CALB2: variants seen among roughly 807,000 people sequenced by gnomAD.
CALB2 encodes calbindin 2, also known as calretinin.
A neutral mutation model predicts 45.9 loss-of-function variants in CALB2; 34 were observed. The ratio of observed to expected loss-of-function variants is 0.74; its 90% confidence interval spans 0.56 to 0.99. The LOEUF is 0.99. Ranked by LOEUF, CALB2 falls within the 50% of genes least tolerant of loss-of-function variation. The pLI is 0.00. For synonymous variants in CALB2, 142 were observed against 129.6 expected, an observed-to-expected ratio of 1.10 and a Z score of -0.65; for missense variants, 344 against 339.3, an observed-to-expected ratio of 1.01 and a Z score of -0.11.
chr16:71,361,864 A>C (rs1033812638), intron 1 of CALB2, among the ~76,000 whole-genome samples: 16 of 152,246 alleles, frequency 1.1e-4, no homozygotes, highest in Non-Finnish European at 2.4e-4. Context: ...AATTCTTTTC[A>C]CAAGATCACA....
intron 4 of CALB2, among the ~76,000 whole-genome samples, chr16:71,380,074 C>T (rs919124774): frequency 6.6e-6 from 1 of 152,018 alleles, no homozygotes; most frequent in African/African-American, 2.4e-5. Context: ...TCATGCCTGA[C>T]TCCTTTCCTG....
At position 71,384,333 on chromosome 16, in the gene CALB2, C is replaced by T. The variant is rs1567543668; in HGVS notation, c.534-6C>T. The stretch of plus-strand genomic sequence containing the variant: ...CCTCATCTCTGCTCTAACATTTTCT[C>T]CCCAGACTCCTGCCTGTCCAGGAAA... On this transcript the variant is annotated splice_polypyrimidine_tract_variant and splice_region_variant and intron_variant, in intron 7 of 10. Transcript: ENST00000302628. The T allele has an allele frequency of 1.2e-6, 2 of 1,613,036 alleles. No individual in the cohort carries two copies. The highest frequency in any genetic ancestry group is 8.5e-7 in the Non-Finnish European group (1 of 1,179,306).
chr16:71,364,840 CAGAG>C (rs2042267122), intron 1 of CALB2, among the ~76,000 whole-genome samples: 1 of 152,110 alleles, frequency 6.6e-6, no homozygotes, highest in African/African-American at 2.4e-5. Context: ...GTGTGTGTGT[CAGAG>C]AGAGAAGCCA....
intron 1 of CALB2, among the ~76,000 whole-genome samples, chr16:71,359,601 C>T (rs2042217998): frequency 6.6e-6 from 1 of 152,162 alleles, no homozygotes; most frequent in South Asian, 2.1e-4. Context: ...GCCTCAGTGA[C>T]TAACCCTCTG....
intron 1 of CALB2, 96 bp from the exon 2 acceptor site, chr16:71,372,057 G>A (rs2042357190): frequency 1.6e-5 from 14 of 875,942 alleles, no homozygotes; most frequent in South Asian, 1.4e-4. Context: ...TTGGCCAGCT[G>A]GGAGAAGACA....
At chr16:71,375,306 A>G (rs75249309) in intron 3 of CALB2, among the ~76,000 whole-genome samples, 2,755 of 152,324 alleles carry the variant, frequency 0.018, 82 homozygotes, top group African/African-American at 0.063. Context: ...ATACATATAT[A>G]CATTCATATA....
At chr16:71,387,782 G>A (rs1488666824) in intron 10 of CALB2, among the ~76,000 whole-genome samples, 2 of 152,186 alleles carry the variant, frequency 1.3e-5, no homozygotes, top group East Asian at 1.9e-4. Flanking sequence ...CTGATTAAGT[G>A]GCAGATATCT....
chr16:71,387,380 C>T (rs930565338), intron 10 of CALB2, among the ~76,000 whole-genome samples: 4 of 152,016 alleles, frequency 2.6e-5, no homozygotes, highest in African/African-American at 7.2e-5. Context: ...GATTTGGCGC[C>T]TGAGGATTGA....
At chr16:71,374,622 T>C (rs1005297133) in intron 2 of CALB2, 123 bp from the exon 3 acceptor site, 1 of 653,970 alleles carries the variant, frequency 1.5e-6, no homozygotes, top group African/African-American at 1.8e-5. Flanking sequence ...AATCAGAGCA[T>C]CAGCACAACT....
chr16:71,369,758 G>A (rs975155648), intron 1 of CALB2, among the ~76,000 whole-genome samples: 4 of 118,172 alleles, frequency 3.4e-5, no homozygotes, highest in Non-Finnish European at 7.0e-5. Flanking sequence ...CCACCTCCCC[G>A]TCTGACTCTA....
At chr16:71,382,323 T>TC (rs2042508697) in intron 4 of CALB2, among the ~76,000 whole-genome samples, 1 of 152,188 alleles carries the variant, frequency 6.6e-6, no homozygotes, top group Admixed American at 6.5e-5. Context: ...TTCTCTCTTC[T>TC]CCACCAGATG....
At chr16:71,361,695 G>A (rs1057418081) in intron 1 of CALB2, among the ~76,000 whole-genome samples, 42 of 152,258 alleles carry the variant, frequency 2.8e-4, no homozygotes, top group African/African-American at 9.6e-4. Flanking sequence ...CCAACGAGAG[G>A]GAGGATGGGG....
chr16:71,384,780 C>T lies in CALB2; in HGVS notation c.574-3C>T. ...TCTGTCTTTAATACCCTGGTTCTTG[C>T]AGGGCATGAAGCTGACCTCAGAGGA... is the stretch of plus-strand genomic sequence containing the variant. On this transcript the variant is annotated splice_region_variant and splice_polypyrimidine_tract_variant and intron_variant, in intron 8 of 10. Transcript: ENST00000302628. 1 of 1,441,754 alleles carries T rather than the reference C, an allele frequency of 6.9e-7. No individual in the cohort carries two copies. The highest frequency in any genetic ancestry group is 9.2e-7 in the Non-Finnish European group (1 of 1,088,514). The allele number at this position is 1,441,754 out of a possible 1,614,324, so 89.3% of individuals were successfully genotyped here. A position where few individuals can be genotyped will look rare whatever the true frequency, so the allele number is the denominator to read the frequency against.
At chr16:71,388,530 T>G (rs2042598039) in intron 10 of CALB2, among the ~76,000 whole-genome samples, 1 of 152,110 alleles carries the variant, frequency 6.6e-6, no homozygotes, top group Admixed American at 6.6e-5. Context: ...ATCAGGCATA[T>G]CAGGTGTTGG....
rs1370429422 is a variant in CALB2 at position 71,384,366 on chromosome 16, G to A, written c.561G>A (p.Leu187=). 2 of 1,607,996 alleles carry A rather than the reference G, an allele frequency of 1.2e-6. No homozygotes were observed. Among genetic ancestry groups the A allele is most frequent in the Non-Finnish European group, 1.7e-6 (2 of 1,178,136 alleles). Residue 187 remains leucine (L), a synonymous_variant, in exon 8 of 11, where the codon CTG becomes CTA. Coordinates refer to ENST00000302628, the MANE Select transcript of CALB2 (RefSeq NM_001740.5). ...TCCTGCCTGTCCAGGAAAACTTCCT[G>A]CTTAAATTTCAGGTAAAACTTTGCT... ...SRLLPVQENF[L]LKFQGMKLTS...
chr16:71,366,187 C>T (rs901511433), intron 1 of CALB2, among the ~76,000 whole-genome samples: 3 of 150,364 alleles, frequency 2.0e-5, no homozygotes, highest in East Asian at 1.9e-4. Context: ...CTACCACGCC[C>T]GGCTAATTTT....
intron 8 of CALB2, among the ~76,000 whole-genome samples, 173 bp downstream of exon 8, chr16:71,384,551 C>T (rs913788017): frequency 7.2e-6 from 1 of 139,786 alleles, no homozygotes; most frequent in Non-Finnish European, 1.6e-5. Flanking sequence ...AAAACACACA[C>T]AGACCACACA....
At chr16:71,388,346 AAAAAAGAAAAAG>A (rs1555527411) in intron 10 of CALB2, among the ~76,000 whole-genome samples, 7 of 137,070 alleles carry the variant, frequency 5.1e-5, no homozygotes, top group South Asian at 2.6e-4. Context: ...AAAAAAAAAA[AAAAAAGAAAAAG>A]AAAAAGAAAA....
chr16:71,361,039 G>C (rs2042233574), intron 1 of CALB2, among the ~76,000 whole-genome samples: 1 of 152,156 alleles, frequency 6.6e-6, no homozygotes, highest in South Asian at 2.1e-4. Context: ...TCCTTGGCTT[G>C]GCTAGAGTGT....
Sources: gnomAD v4.1 joint callset for allele counts (sites outside exome capture counted in the v4.1 genomes callset) on GRCh38, gnomAD v4.1.1 for gene constraint, MANE v1.5 for transcripts, NCBI Gene and HGNC (gene_info 2026-07-23, HGNC 2026-07-21) for gene names.